The following HESX1 variants were observed in gnomAD, a reference collection of about 807,000 sequenced individuals.
HESX1 encodes HESX homeobox 1.
Under a neutral mutation model 22.5 loss-of-function variants are expected in HESX1, and 11 were observed. That is an observed-to-expected ratio of 0.49 (90% CI 0.31 to 0.81). The LOEUF (loss-of-function observed/expected upper bound fraction) is 0.81, where lower values mean the gene tolerates loss of function less well. HESX1 is among the 30% of genes least tolerant of loss of function. The probability of loss-of-function intolerance (pLI) is 0.05; values close to 1 mark genes in which losing one functional copy is unlikely to be tolerated. For synonymous variants in HESX1, 74 were observed against 76.5 expected (o/e 0.97, Z 0.17); for missense variants, 201 against 212.6 (o/e 0.95, Z 0.34).
chr3:57,218,429 TG>T (rs2060595548), intron 1 of HESX1, among the ~76,000 whole-genome samples: 2 of 150,386 alleles, frequency 1.3e-5, no homozygotes, highest in Admixed American at 1.4e-4. Flanking sequence ...GGAAAGGACA[TG>T]ATCTCATTCT....
upstream of HESX1, among the ~76,000 whole-genome samples, chr3:57,203,712 A>G (rs1384345343): frequency 6.6e-6 from 1 of 151,974 alleles, no homozygotes; most frequent in Non-Finnish European, 1.5e-5. Context: ...ATGTCATCAC[A>G]CCTGGCTAAT....
At chr3:57,209,671 C>CAAAAAAAA (rs71088042) in intron 1 of HESX1, among the ~76,000 whole-genome samples, 1 of 82,142 alleles carries the variant, frequency 1.2e-5, no homozygotes, top group Non-Finnish European at 2.4e-5. Flanking sequence ...AGCTCCATCT[C>CAAAAAAAA]AAAAAAAAAA....
chr3:57,199,633 A>C (rs12715498), intron 1 of HESX1, 129 bp downstream of exon 1: 1 of 545,680 alleles, frequency 1.8e-6, no homozygotes, highest in South Asian at 5.3e-5. Context: ...AAAAAAAAAA[A>C]AATAATAAAT....
upstream of HESX1, among the ~76,000 whole-genome samples, chr3:57,202,284 A>G (rs1222006533): frequency 6.6e-6 from 1 of 152,130 alleles, no homozygotes; most frequent in Non-Finnish European, 1.5e-5. Flanking sequence ...AAAATTATCT[A>G]AAAATGTGAG....
chr3:57,216,348 C>T (rs2060582637), intron 1 of HESX1, among the ~76,000 whole-genome samples: 1 of 152,178 alleles, frequency 6.6e-6, no homozygotes, highest in Non-Finnish European at 1.5e-5. Flanking sequence ...TTGGCTCACA[C>T]CTGTAATGCC....
intron 1 of HESX1, among the ~76,000 whole-genome samples, chr3:57,211,354 C>A (rs567430585): frequency 1.3e-5 from 2 of 151,644 alleles, no homozygotes; most frequent in East Asian, 3.9e-4. Context: ...ACAGTGGGAC[C>A]TCGTCTCTTC....
intron 1 of HESX1, among the ~76,000 whole-genome samples, chr3:57,226,122 G>A (rs2056000): frequency 6.6e-6 from 1 of 151,810 alleles, no homozygotes; most frequent in Non-Finnish European, 1.5e-5. Flanking sequence ...AGGTGATCCA[G>A]CTGCCACGGC....
At chr3:57,220,049 C>T (rs1381530113) in intron 1 of HESX1, among the ~76,000 whole-genome samples, 2 of 152,172 alleles carry the variant, frequency 1.3e-5, no homozygotes, top group African/African-American at 2.4e-5. Flanking sequence ...TTTCAATCTT[C>T]GACATATGGC....
At chr3:57,223,024 AT>A (rs1247867716) in intron 1 of HESX1, among the ~76,000 whole-genome samples, 1 of 152,166 alleles carries the variant, frequency 6.6e-6, no homozygotes, top group African/African-American at 2.4e-5. Context: ...GAAAAAGATA[AT>A]TTTTACTGAA....
chr3:57,214,197 A>G (rs2060571653), intron 1 of HESX1, among the ~76,000 whole-genome samples: 1 of 152,240 alleles, frequency 6.6e-6, no homozygotes, highest in Non-Finnish European at 1.5e-5. Flanking sequence ...AAAACAGAAA[A>G]CCAAGAAAGA....
upstream of HESX1, among the ~76,000 whole-genome samples, chr3:57,203,507 T>C (rs1481004231): frequency 6.6e-6 from 1 of 152,076 alleles, no homozygotes; most frequent in Non-Finnish European, 1.5e-5. Flanking sequence ...TTGGGCTTGT[T>C]TGTGGGAAGT....
intron 1 of HESX1, among the ~76,000 whole-genome samples, chr3:57,218,470 G>A (rs560177856): frequency 1.6e-3 from 207 of 133,340 alleles, no homozygotes; most frequent in Non-Finnish European, 2.4e-3. Flanking sequence ...TTGAGGTGGA[G>A]TCTCAGTCTT....
At chr3:57,227,298 TAGTC>T (rs953018148), upstream of HESX1, among the ~76,000 whole-genome samples, 8 of 152,348 alleles carry the variant, frequency 5.3e-5, no homozygotes, top group South Asian at 8.3e-4. Flanking sequence ...ACATCTGAGT[TAGTC>T]AGCACCATTC....
chr3:57,224,724 G>T (rs1433452708), intron 1 of HESX1, among the ~76,000 whole-genome samples: 1 of 152,160 alleles, frequency 6.6e-6, no homozygotes, highest in Non-Finnish European at 1.5e-5. Flanking sequence ...CATCACTTGG[G>T]TTATTGGATT....
At chr3:57,211,039 A>G (rs2060550055) in intron 1 of HESX1, among the ~76,000 whole-genome samples, 1 of 151,600 alleles carries the variant, frequency 6.6e-6, no homozygotes, top group Admixed American at 6.6e-5. Context: ...ACCAATATGG[A>G]GAAACCCCAA....
At chr3:57,222,286 G>A (rs1040902011) in intron 1 of HESX1, among the ~76,000 whole-genome samples, 2 of 151,966 alleles carry the variant, frequency 1.3e-5, no homozygotes, top group Non-Finnish European at 2.9e-5. Flanking sequence ...TTTTGAGACA[G>A]GGTCTCGCTA....
At chr3:57,225,882 T>TC (rs2060640076) in intron 1 of HESX1, among the ~76,000 whole-genome samples, 1 of 64,786 alleles carries the variant, frequency 1.5e-5, no homozygotes, top group South Asian at 5.4e-4. Flanking sequence ...TTTTCTTTTC[T>TC]TTTTTTTTTT....
At chr3:57,212,914 G>A (rs185566976) in intron 1 of HESX1, among the ~76,000 whole-genome samples, 1 of 152,032 alleles carries the variant, frequency 6.6e-6, no homozygotes, top group Non-Finnish European at 1.5e-5. Context: ...TTTACATTAG[G>A]TATTTCTCCT....
intron 1 of HESX1, among the ~76,000 whole-genome samples, chr3:57,213,652 C>G (rs1200024166): frequency 3.9e-5 from 6 of 152,160 alleles, no homozygotes; most frequent in African/African-American, 9.7e-5. Context: ...TCTGGCCAGG[C>G]GCGGTGGCTC....
Sources: allele counts gnomAD v4.1 joint callset (sites outside exome capture counted in the v4.1 genomes callset), GRCh38; gene constraint gnomAD v4.1.1; transcripts MANE v1.5; gene names NCBI Gene and HGNC (gene_info 2026-07-23, HGNC 2026-07-21).